The following PCDHGB6 variants were observed in gnomAD, a reference collection of about 807,000 sequenced individuals.
PCDHGB6 encodes the protein protocadherin gamma-B6.
PCDHGB6 carries 51 observed loss-of-function variants against 59.1 expected under a neutral mutation model. That is an observed-to-expected ratio of 0.86 (90% CI 0.69 to 1.09). The LOEUF is 1.09. Among genes scored for constraint, PCDHGB6 ranks in the 50% least tolerant of loss-of-function variants. The pLI, the probability that PCDHGB6 is intolerant of heterozygous loss-of-function variation, is 0.00. For synonymous variants in PCDHGB6, 466 were observed against 495.1 expected (o/e 0.94, Z 0.78); for missense variants, 1,148 against 1,205.1 (o/e 0.95, Z 0.70).
chr5:141,447,533 G>T (rs2098541881), intron 1 of PCDHGB6, among the ~76,000 whole-genome samples: 1 of 152,120 alleles, frequency 6.6e-6, no homozygotes, highest in South Asian at 2.1e-4. Flanking sequence ...CAAAATTGTT[G>T]GGTTTTAATG....
chr5:141,414,486 AACGG>A, intron 1 of PCDHGB6: 1 of 1,613,938 alleles, frequency 6.2e-7, no homozygotes, highest in Non-Finnish European at 8.5e-7. Flanking sequence ...CTCCTCTATC[AACGG>A]AAGCTCACTT....
chr5:141,477,600 T>A lies in PCDHGB6; in HGVS notation c.2419-17207T>A, dbSNP rs746047124. The A allele has an allele frequency of 6.2e-6, 10 of 1,614,146 alleles. No homozygotes were observed. The highest frequency in any genetic ancestry group is 7.6e-6 in the Non-Finnish European group (9 of 1,180,026). ...CCGCAGAATGCTCGGCTTTCTTTCT[T>A]TCTCTTGGAGCAAGGAGCTGAAACC... On this transcript the variant is annotated intron_variant, in intron 1 of 3. Coordinates refer to ENST00000520790, the MANE Select transcript of PCDHGB6 (RefSeq NM_018926.3). This position sits in a 1 kb window ranked among gnomAD's most constrained non-coding sequence, Gnocchi z 4.9.
chr5:141,421,751 C>T (rs751678934), intron 1 of PCDHGB6: 1 of 1,613,932 alleles, frequency 6.2e-7, no homozygotes, highest in South Asian at 1.1e-5. Context: ...CAGCTCAGCC[C>T]TAATAATTAC....
rs141034739 is a variant in PCDHGB6 at position 141,491,100 on chromosome 5, C to T, written c.2419-3707C>T. The T allele has an allele frequency of 2.7e-4, 430 of 1,614,138 alleles. No homozygotes were observed. The African/African-American group carries it at 4.7e-3, about 18-fold the overall frequency. ...AGTCCACAGCCCCAGGACTGTTCCT[C>T]GTGTCTACACACACTGGTGAGGTGC... On this transcript the variant is annotated intron_variant, in intron 1 of 3. Transcript: ENST00000520790. The surrounding 1 kb of genome is among the most constrained non-coding windows in gnomAD (Gnocchi z 6.9).
chr5:141,446,775 T>C (rs1175892018), intron 1 of PCDHGB6, among the ~76,000 whole-genome samples: 2 of 152,188 alleles, frequency 1.3e-5, no homozygotes, highest in Admixed American at 6.5e-5. Context: ...CCGGTTACCA[T>C]TCTTTTACTC....
intron 1 of PCDHGB6, among the ~76,000 whole-genome samples, chr5:141,442,612 A>C (rs1180568407): frequency 6.6e-6 from 1 of 152,212 alleles, no homozygotes; most frequent in Non-Finnish European, 1.5e-5. Flanking sequence ...ATCTCAGTAA[A>C]AAGCATTTCT....
At chr5:141,420,291 G>A in intron 1 of PCDHGB6, 1 of 1,494,346 alleles carries the variant, frequency 6.7e-7, no homozygotes, top group Non-Finnish European at 9.0e-7. Context: ...ATTTAAAAAT[G>A]TATTTAATCC....
intron 1 of PCDHGB6, among the ~76,000 whole-genome samples, chr5:141,456,733 G>A (rs1186997201): frequency 6.6e-6 from 1 of 152,182 alleles, no homozygotes; most frequent in Non-Finnish European, 1.5e-5. Context: ...GGGAGGCTGA[G>A]GCGGGAGCAT....
chr5:141,504,379 G>T (rs181617363), intron 2 of PCDHGB6, among the ~76,000 whole-genome samples: 1 of 152,088 alleles, frequency 6.6e-6, no homozygotes, highest in African/African-American at 2.4e-5. Context: ...AGGTGGAGTC[G>T]CTGCCTCACA....
intron 1 of PCDHGB6, chr5:141,478,866 C>G: frequency 7.7e-7 from 1 of 1,304,352 alleles, no homozygotes; most frequent in East Asian, 2.5e-5. Context: ...TCTCAGCGAT[C>G]AGAGTTTAGC....
Position 141,415,739 on chromosome 5 carries a change from GGTTTT to G in PCDHGB6, c.2418+5120_2418+5124del, listed in dbSNP as rs2095909931. ...ATGAGTAGAATTTGATGTTTATTAA[GGTTTT>G]TTTTTTTTTTTTTTTTTTTTTTTTT... On this transcript the variant is annotated intron_variant, in intron 1 of 3. Transcript: ENST00000520790. 124 of 435,052 alleles carry G rather than the reference GGTTTT, an allele frequency of 2.9e-4. No homozygotes were observed. The African/African-American group carries it at 3.6e-3, about 13-fold the overall frequency. 26.9% of individuals were successfully genotyped at this position (435,052 alleles called of 1,614,324 possible).
chr5:141,492,220 C>T (rs1388948434), intron 1 of PCDHGB6, among the ~76,000 whole-genome samples: 2 of 152,190 alleles, frequency 1.3e-5, no homozygotes, highest in Non-Finnish European at 1.5e-5. Context: ...GGGGCTCATG[C>T]GTGTCCTCCC....
intron 1 of PCDHGB6, among the ~76,000 whole-genome samples, chr5:141,450,022 T>TTTTC: frequency 6.7e-6 from 1 of 149,424 alleles, no homozygotes; most frequent in Admixed American, 6.7e-5. Context: ...TTTTTTTTTT[T>TTTTC]TTGAGACAGG....
At chr5:141,465,894 G>A (rs970043849) in intron 1 of PCDHGB6, among the ~76,000 whole-genome samples, 1 of 152,098 alleles carries the variant, frequency 6.6e-6, no homozygotes, top group Non-Finnish European at 1.5e-5. Flanking sequence ...AGGCCGAGGC[G>A]GGCAAATCAC....
chr5:141,508,731 A>C (rs1596169554), intron 3 of PCDHGB6, among the ~76,000 whole-genome samples: 6 of 145,538 alleles, frequency 4.1e-5, no homozygotes, highest in African/African-American at 5.1e-5. Context: ...GGGAGACTAC[A>C]CCCCCCACCC....
intron 1 of PCDHGB6, among the ~76,000 whole-genome samples, chr5:141,482,760 C>CAGCTGTG (rs1363796107): frequency 2.1e-5 from 3 of 141,084 alleles, no homozygotes; most frequent in African/African-American, 5.7e-5. Flanking sequence ...TATGGTATTT[C>CAGCTGTG]ATTATCACTG....
intron 1 of PCDHGB6, among the ~76,000 whole-genome samples, chr5:141,483,207 A>C (rs1225621725): frequency 6.6e-6 from 1 of 152,224 alleles, no homozygotes; most frequent in African/African-American, 2.4e-5. Flanking sequence ...TATTCCATAT[A>C]GATGACAGTC....
At chr5:141,457,475 G>T (rs1203288452) in intron 1 of PCDHGB6, among the ~76,000 whole-genome samples, 1 of 152,142 alleles carries the variant, frequency 6.6e-6, no homozygotes, top group East Asian at 1.9e-4. Flanking sequence ...AATAAGCAGG[G>T]CCAGGGTTAG....
intron 1 of PCDHGB6, among the ~76,000 whole-genome samples, chr5:141,482,056 G>A (rs1271837619): frequency 1.3e-5 from 2 of 149,012 alleles, no homozygotes; most frequent in Non-Finnish European, 3.0e-5. Context: ...TTGCATTCCA[G>A]CCTGGGCAAC....
Sources: gnomAD v4.1 joint callset for allele counts (sites outside exome capture counted in the v4.1 genomes callset) on GRCh38, gnomAD v4.1.1 for gene constraint, Gnocchi (gnomAD v3.1) non-coding constraint, MANE v1.5 for transcripts, NCBI Gene and HGNC (gene_info 2026-07-23, HGNC 2026-07-21) for gene names.